The following SLC6A11 variants were observed in gnomAD, a reference collection of about 807,000 sequenced individuals.
The protein encoded by SLC6A11 is solute carrier family 6 member 11.
SLC6A11 carries 25 observed loss-of-function variants against 74.8 expected under a neutral mutation model. The ratio of observed to expected loss-of-function variants is 0.33; its 90% CI spans 0.24 to 0.47. The LOEUF is 0.47. SLC6A11 is among the 20% of genes least tolerant of loss of function. The pLI, the probability that SLC6A11 is intolerant of heterozygous loss-of-function variation, is 1.00. For missense variants in SLC6A11, 574 were observed against 837.0 expected (o/e 0.69, Z 3.88); for synonymous variants, 330 against 330.2 (o/e 1.00, Z 0.01).
intron 6 of SLC6A11, among the ~76,000 whole-genome samples, chr3:10,897,152 A>G (rs186044552): frequency 1.3e-5 from 2 of 152,338 alleles, no homozygotes; most frequent in African/African-American, 2.4e-5. Flanking sequence ...ACCTCCCACC[A>G]GATCCCTCCT....
Position 10,938,565 on chromosome 3 carries a change from A to C in SLC6A11, c.*163A>C, listed in dbSNP as rs1695786271. On this transcript the variant is annotated 3_prime_UTR_variant, in exon 14 of 14. Coordinates refer to ENST00000254488, the MANE Select transcript of SLC6A11 (RefSeq NM_014229.3). ...GGCCACTGTACACTGCTCTAAAGTC[A>C]TATCCCCTCCCCGCCCCCAGTCATC... The C allele has an allele frequency of 1.7e-6, 1 of 588,298 alleles. No individual in the cohort carries two copies. The highest frequency in any genetic ancestry group is 2.8e-6 in the Non-Finnish European group (1 of 355,898). The allele number at this position is 588,298 out of a possible 1,614,324, so 36.4% of individuals were successfully genotyped here. A position where few individuals can be genotyped will look rare whatever the true frequency, so the allele number is the denominator to read the frequency against.
chr3:10,846,267 C>T (rs541102868), intron 5 of SLC6A11, among the ~76,000 whole-genome samples: 104 of 152,258 alleles, frequency 6.8e-4, no homozygotes, highest in South Asian at 1.7e-3. Flanking sequence ...CAGCCTCTTC[C>T]CTACCCAGAC....
In SLC6A11 at chr3:10,823,342, C is replaced by T; in HGVS notation, c.573C>T (p.Tyr191=). Residue 191 remains tyrosine (Y), a synonymous_variant, in exon 4 of 14, where the codon TAC becomes TAT. Coordinates refer to ENST00000254488, the MANE Select transcript of SLC6A11 (RefSeq NM_014229.3). ...VEFQKLNVSN[Y]SHVSLQNATS... is the part of the protein sequence containing the mutation. ...TCCAGAAACTGAATGTGAGCAACTA[C>T]AGCCATGTGTCTCTGCAGAATGCCA... The T allele has an allele frequency of 6.2e-7, 1 of 1,613,806 alleles. No homozygotes were observed. Among genetic ancestry groups the T allele is most frequent in the South Asian group, 1.1e-5 (1 of 91,074 alleles).
chr3:10,906,785 G>C (rs544714310), intron 6 of SLC6A11, among the ~76,000 whole-genome samples: 58 of 152,180 alleles, frequency 3.8e-4, no homozygotes, highest in Non-Finnish European at 7.1e-4. Flanking sequence ...ATAAGAGTGG[G>C]AGAAAAGAAT....
intron 5 of SLC6A11, among the ~76,000 whole-genome samples, chr3:10,848,503 C>A (rs1446497813): frequency 6.6e-6 from 1 of 152,308 alleles, no homozygotes; most frequent in African/African-American, 2.4e-5. Flanking sequence ...TGCTCAGAAG[C>A]AGCTATTCTG....
chr3:10,838,234 T>G (rs1694392049), intron 4 of SLC6A11, among the ~76,000 whole-genome samples: 1 of 152,238 alleles, frequency 6.6e-6, no homozygotes, highest in African/African-American at 2.4e-5. Context: ...CCAGCCCTTG[T>G]GCTGGGAGCC....
At chr3:10,934,221 A>C in intron 12 of SLC6A11, 55 bp downstream of exon 12, 1 of 1,249,638 alleles carries the variant, frequency 8.0e-7, no homozygotes, top group Non-Finnish European at 1.2e-6. Flanking sequence ...TCTACCCTCC[A>C]ACCCACGTTT....
chr3:10,843,808 A>G (rs993001120), intron 4 of SLC6A11, among the ~76,000 whole-genome samples: 8 of 152,184 alleles, frequency 5.3e-5, no homozygotes, highest in Non-Finnish European at 8.8e-5. Context: ...TGTTGGCCAA[A>G]CAATGTTCAA....
chr3:10,851,092 C>G (rs1429246320), intron 5 of SLC6A11, among the ~76,000 whole-genome samples: 6 of 152,064 alleles, frequency 3.9e-5, no homozygotes, highest in Non-Finnish European at 7.4e-5. Context: ...GTCAGAGTGT[C>G]CCCCCACGCT....
intron 5 of SLC6A11, among the ~76,000 whole-genome samples, chr3:10,872,199 G>C (rs1384596156): frequency 6.6e-6 from 1 of 152,180 alleles, no homozygotes. Flanking sequence ...CCCATGTCTG[G>C]TTGTCGTTCA....
chr3:10,866,557 T>C lies in SLC6A11; in HGVS notation c.757-8404T>C, dbSNP rs2106598124. 2.0e-5 allele frequency among the ~76,000 whole-genome samples: 3 copies of C among 152,288 alleles called. No homozygotes were observed. The South Asian group carries it at 6.2e-4, about 32-fold the overall frequency. ...AACGTGGATCCCACATGGGTCAGTG[T>C]TTAGTTAGATTATTTTAGGCCCCAC... On this transcript the variant is annotated intron_variant, in intron 5 of 13. Transcript: ENST00000254488.
At position 10,933,117 on chromosome 3, in the gene SLC6A11, C is replaced by T. The variant is rs1341332941; in HGVS notation, c.1372-34C>T. Reference sequence around the variant, plus strand: ...CCCTGCTCTCCCGTGTGTCCGTTCACCTCCCATCCGTGTGTCTGTTCCCCG... The same window carrying T: ...CCCTGCTCTCCCGTGTGTCCGTTCATCTCCCATCCGTGTGTCTGTTCCCCG... On this transcript the variant is annotated intron_variant, in intron 10 of 13. Coordinates refer to ENST00000254488, the MANE Select transcript of SLC6A11 (RefSeq NM_014229.3). The T allele has an allele frequency of 3.3e-6, 5 of 1,495,778 alleles. 1 individual carries two copies. The highest frequency in any genetic ancestry group is 1.1e-5 in the South Asian group (1 of 88,684). 92.7% of individuals were successfully genotyped at this position (1,495,778 alleles called of 1,614,324 possible).
chr3:10,932,570 A>G (rs1179100554), intron 10 of SLC6A11, among the ~76,000 whole-genome samples: 1 of 152,158 alleles, frequency 6.6e-6, no homozygotes, highest in African/African-American at 2.4e-5. Flanking sequence ...GGAGCTTACC[A>G]GGTGAAAGGG....
At chr3:10,826,351 C>G (rs960701597) in intron 4 of SLC6A11, among the ~76,000 whole-genome samples, 5 of 152,160 alleles carry the variant, frequency 3.3e-5, no homozygotes, top group African/African-American at 1.2e-4. Flanking sequence ...TTTCCCAGTC[C>G]CATTGGGTTG....
intron 6 of SLC6A11, 152 bp downstream of exon 6, chr3:10,875,247 T>G (rs531833937): frequency 2.8e-4 from 180 of 649,206 alleles, no homozygotes; most frequent in Non-Finnish European, 1.9e-4. Flanking sequence ...TGCATAAATT[T>G]AATACGTAGG....
chr3:10,841,399 A>G (rs1050866482), intron 4 of SLC6A11, among the ~76,000 whole-genome samples: 2 of 152,174 alleles, frequency 1.3e-5, no homozygotes, highest in South Asian at 4.1e-4. Context: ...GTGGGTTTCA[A>G]AACAACCCCA....
chr3:10,873,627 A>ATCCTGTCCTG (rs57475025), intron 5 of SLC6A11, among the ~76,000 whole-genome samples: 17 of 135,958 alleles, frequency 1.3e-4, no homozygotes, highest in Admixed American at 7.2e-4. Flanking sequence ...ATCCTATCCT[A>ATCCTGTCCTG]TCCTGTCCTG....
intron 10 of SLC6A11, 96 bp downstream of exon 10, chr3:10,929,435 T>G (rs2272397): frequency 1.5e-6 from 2 of 1,345,042 alleles, no homozygotes; most frequent in Non-Finnish European, 2.1e-6. Context: ...GGGTCAGGTC[T>G]AGTGCCCTCT....
intron 6 of SLC6A11, among the ~76,000 whole-genome samples, chr3:10,909,229 C>A (rs1695351848): frequency 6.6e-6 from 1 of 152,006 alleles, no homozygotes. Context: ...ATGTGGCCAG[C>A]CCTGAATCTA....
Sources: allele counts gnomAD v4.1 joint callset (sites outside exome capture counted in the v4.1 genomes callset), GRCh38; gene constraint gnomAD v4.1.1; transcripts MANE v1.5; gene names NCBI Gene and HGNC (gene_info 2026-07-23, HGNC 2026-07-21).